The following METTL25 variants were observed in gnomAD, a reference collection of about 807,000 sequenced individuals.
METTL25 encodes methyltransferase like 25.
In METTL25, 64 loss-of-function variants were observed where a neutral mutation model predicts 71.6. The observed-to-expected ratio is 0.89, with a 90% CI of 0.73 to 1.10. The LOEUF (loss-of-function observed/expected upper bound fraction) is 1.10, where lower values mean the gene tolerates loss of function less well. METTL25 is among the 50% of genes least tolerant of loss of function. METTL25 has a pLI of 0.00. For synonymous variants in METTL25, 287 were observed against 250.3 expected (o/e 1.15, Z -1.38); for missense variants, 807 against 707.0 (o/e 1.14, Z -1.60).
chr12:82,423,634 A>G (rs1888718657), intron 5 of METTL25, among the ~76,000 whole-genome samples: 1 of 152,212 alleles, frequency 6.6e-6, no homozygotes, highest in East Asian at 1.9e-4. Context: ...AATTTTTGCA[A>G]TCTACTCATC....
Position 82,427,755 on chromosome 12 carries a change from T to C in METTL25, c.1280-3138T>C, listed in dbSNP as rs554615832. ...GATATTGTTTCCCTTGTTCCCTGGGTTTCGCCTGTGACCACAATCATCATC... is the reference window on the plus strand; with the variant it reads ...GATATTGTTTCCCTTGTTCCCTGGGCTTCGCCTGTGACCACAATCATCATC... On this transcript the variant is annotated intron_variant, in intron 5 of 11. Coordinates refer to ENST00000248306, the MANE Select transcript of METTL25 (RefSeq NM_032230.3). Among the ~76,000 whole-genome samples the C allele has an allele frequency of 2.0e-5, 3 of 152,068 alleles. No homozygotes were observed. The East Asian group carries it at 5.8e-4, about 30-fold the overall frequency.
chr12:82,362,624 C>G (rs991934714), intron 1 of METTL25, among the ~76,000 whole-genome samples: 1 of 152,104 alleles, frequency 6.6e-6, no homozygotes, highest in African/African-American at 2.4e-5. Context: ...CAGTATTTGG[C>G]TTTTATTCTG....
At chr12:82,419,452 A>G (rs576469521) in intron 5 of METTL25, among the ~76,000 whole-genome samples, 22 of 152,230 alleles carry the variant, frequency 1.4e-4, no homozygotes, top group Admixed American at 4.6e-4. Flanking sequence ...GATTTCATCA[A>G]TGCTATGTCT....
At chr12:82,457,131 G>A (rs1468065118) in intron 9 of METTL25, among the ~76,000 whole-genome samples, 1 of 151,956 alleles carries the variant, frequency 6.6e-6, no homozygotes, top group Non-Finnish European at 1.5e-5. Flanking sequence ...AAGCAAGAGA[G>A]AATGGTTTTA....
intron 9 of METTL25, among the ~76,000 whole-genome samples, chr12:82,461,496 A>T (rs1891875623): frequency 6.6e-6 from 1 of 152,162 alleles, no homozygotes; most frequent in Non-Finnish European, 1.5e-5. Flanking sequence ...AGGCTGTCTA[A>T]CTCTAGAACT....
chr12:82,428,225 C>T (rs981421290), intron 5 of METTL25, among the ~76,000 whole-genome samples: 1 of 151,878 alleles, frequency 6.6e-6, no homozygotes, highest in African/African-American at 2.4e-5. Flanking sequence ...ACTCATGTAG[C>T]TATCCTAGTA....
chr12:82,360,108 G>A (rs568214322), intron 1 of METTL25, among the ~76,000 whole-genome samples: 3 of 152,278 alleles, frequency 2.0e-5, no homozygotes, highest in Non-Finnish European at 4.4e-5. Flanking sequence ...AATATTTGTT[G>A]AATGGAGGAA....
rs1296889798 is a variant in METTL25, at chr12:82,358,731, G to C, written c.166G>C (p.Glu56Gln). ...GGAGGAGCTGGTCGACTTGCCACCG[G>C]AGACAGTGCTGGCTGCGCTGAGGAA... is the stretch of plus-strand genomic sequence containing the variant. ...VWEELVDLPP[E>Q]TVLAALRKSA... Residue 56 changes from glutamate (E) to glutamine (Q), a missense_variant, in exon 1 of 12, where the codon GAG becomes CAG. Coordinates refer to ENST00000248306, the MANE Select transcript of METTL25 (RefSeq NM_032230.3). 7 of 1,614,038 alleles carry C rather than the reference G, an allele frequency of 4.3e-6. No individual in the cohort carries two copies. The East Asian group carries it at 1.1e-4, about 26-fold the overall frequency.
chr12:82,438,798 G>A lies in METTL25; in HGVS notation c.1478+7G>A. On this transcript the variant is annotated splice_region_variant and intron_variant, in intron 8 of 11. Transcript: ENST00000248306. ...GTTATGGCATCACCAAATGGTATGAGGATTTTATTTTAATAAGAATAACTA... is the reference window on the plus strand; with the variant it reads ...GTTATGGCATCACCAAATGGTATGAAGATTTTATTTTAATAAGAATAACTA... 1 of 1,488,308 alleles carries A rather than the reference G, an allele frequency of 6.7e-7. No individual in the cohort carries two copies. The highest frequency in any genetic ancestry group is 9.2e-7 in the Non-Finnish European group (1 of 1,090,318). 92.2% of individuals were successfully genotyped at this position (1,488,308 alleles called of 1,614,324 possible). A position where few individuals can be genotyped will look rare whatever the true frequency, so the allele number is the denominator to read the frequency against.
At chr12:82,361,515 G>C (rs894156532) in intron 1 of METTL25, among the ~76,000 whole-genome samples, 1 of 152,180 alleles carries the variant, frequency 6.6e-6, no homozygotes, top group African/African-American at 2.4e-5. Flanking sequence ...CACGGTGGGG[G>C]GGAGGGGGAC....
chr12:82,435,902 G>T (rs767504326), intron 7 of METTL25, among the ~76,000 whole-genome samples: 3 of 151,236 alleles, frequency 2.0e-5, no homozygotes, highest in Non-Finnish European at 4.4e-5. Flanking sequence ...CTCATCAATT[G>T]AGATAATAAA....
In METTL25 at chr12:82,404,790, AAAAATT is replaced by A. The variant is rs559362614; in HGVS notation, c.1279+1662_1279+1667del. Among the ~76,000 whole-genome samples, 43 of 152,194 alleles carry A rather than the reference AAAAATT, an allele frequency of 2.8e-4. No individual in the cohort carries two copies. In the South Asian group the frequency reaches 8.7e-3, roughly 31 times the overall value. The stretch of plus-strand genomic sequence containing the variant: ...AAACTCCGTTTCTACTAAAGATACA[AAAAATT>A]AGCTGGCCATGGTGGTGGACGCCTG... On this transcript the variant is annotated intron_variant, in intron 5 of 11. Transcript: ENST00000248306.
At chr12:82,406,061 A>AT (rs1270329870) in intron 5 of METTL25, among the ~76,000 whole-genome samples, 1 of 152,194 alleles carries the variant, frequency 6.6e-6, no homozygotes, top group African/African-American at 2.4e-5. Context: ...GGAGAGGCTC[A>AT]TAAAAAGTCA....
At chr12:82,462,352 T>G (rs1891938175) in intron 9 of METTL25, among the ~76,000 whole-genome samples, 1 of 152,182 alleles carries the variant, frequency 6.6e-6, no homozygotes, top group Non-Finnish European at 1.5e-5. Context: ...AATATTTCCC[T>G]ATTCCCCACT....
At chr12:82,458,267 T>C (rs1288005295) in intron 9 of METTL25, among the ~76,000 whole-genome samples, 3 of 152,152 alleles carry the variant, frequency 2.0e-5, no homozygotes, top group Non-Finnish European at 4.4e-5. Flanking sequence ...CAAAAACATT[T>C]ACAGTGGATA....
intron 3 of METTL25, among the ~76,000 whole-genome samples, chr12:82,396,464 A>C (rs1003240331): frequency 2.0e-5 from 3 of 152,040 alleles, no homozygotes; most frequent in Non-Finnish European, 4.4e-5. Flanking sequence ...TGTTTCCTTG[A>C]GTGGCTCATA....
chr12:82,463,306 C>T, intron 9 of METTL25, among the ~76,000 whole-genome samples: 1 of 151,920 alleles, frequency 6.6e-6, no homozygotes, highest in East Asian at 1.9e-4. Context: ...TTTCCAGCTT[C>T]TGCATCTGAG....
intron 1 of METTL25, among the ~76,000 whole-genome samples, chr12:82,376,781 A>C (rs761939126): frequency 6.6e-6 from 1 of 152,010 alleles, no homozygotes; most frequent in African/African-American, 2.4e-5. Context: ...TACTTTTTGG[A>C]GGGGGAGAGT....
intron 8 of METTL25, among the ~76,000 whole-genome samples, chr12:82,446,510 A>T (rs199581318): frequency 9.3e-4 from 4 of 4,310 alleles, no homozygotes; most frequent in African/African-American, 1.1e-3. Flanking sequence ...ATCAATAACA[A>T]GAGAACCTTT....
Sources: allele counts gnomAD v4.1 joint callset (sites outside exome capture counted in the v4.1 genomes callset), GRCh38; gene constraint gnomAD v4.1.1; transcripts MANE v1.5; gene names NCBI Gene and HGNC (gene_info 2026-07-23, HGNC 2026-07-21).